GULP1: variants seen among roughly 807,000 people sequenced by gnomAD.
GULP1 encodes the protein GULP PTB domain containing engulfment adaptor 1, also known as PTB domain-containing engulfment adapter protein 1.
Under a neutral mutation model 40.9 loss-of-function variants are expected in GULP1, and 19 were observed. The observed-to-expected ratio is 0.46, with a 90% CI of 0.32 to 0.68. GULP1 has a LOEUF of 0.68. Among genes scored for constraint, GULP1 ranks in the 30% least tolerant of loss-of-function variants. The probability of loss-of-function intolerance (pLI) is 0.03; values close to 1 mark genes in which losing one functional copy is unlikely to be tolerated. For synonymous variants in GULP1, 119 were observed against 117.6 expected (o/e 1.01, Z -0.08); for missense variants, 312 against 362.2 (o/e 0.86, Z 1.12).
chr2:188,479,191 A>G (rs190350588), intron 3 of GULP1, among the ~76,000 whole-genome samples: 3 of 152,212 alleles, frequency 2.0e-5, no homozygotes, highest in Admixed American at 1.3e-4. Context: ...GTGTTCAAAC[A>G]TTTGGATGTG....
At chr2:188,363,639 A>G (rs1280567114) in intron 1 of GULP1, among the ~76,000 whole-genome samples, 1 of 152,148 alleles carries the variant, frequency 6.6e-6, no homozygotes, top group East Asian at 1.9e-4. Context: ...ATGAAGACGA[A>G]GGTATACATT....
At chr2:188,406,286 T>A (rs2053086443) in intron 2 of GULP1, among the ~76,000 whole-genome samples, 1 of 152,178 alleles carries the variant, frequency 6.6e-6, no homozygotes, top group South Asian at 2.1e-4. Flanking sequence ...AACACAATGG[T>A]AAGTATTTGT....
chr2:188,339,677 A>G (rs2152129213), intron 1 of GULP1, among the ~76,000 whole-genome samples: 1 of 152,316 alleles, frequency 6.6e-6, no homozygotes, highest in South Asian at 2.1e-4. Context: ...AAGGTTTCAA[A>G]ATAACCATCA....
At chr2:188,344,356 G>A (rs546556756) in intron 1 of GULP1, among the ~76,000 whole-genome samples, 3 of 152,178 alleles carry the variant, frequency 2.0e-5, no homozygotes, top group African/African-American at 7.2e-5. Flanking sequence ...TTGACACTTC[G>A]ATGGAGAGAA....
At chr2:188,529,318 G>A (rs1005900683) in intron 6 of GULP1, 123 bp downstream of exon 6, 4 of 519,578 alleles carry the variant, frequency 7.7e-6, no homozygotes, top group Non-Finnish European at 1.0e-5. Flanking sequence ...ATGACAGTTC[G>A]AAACTCTAGG....
chr2:188,319,754 A>G (rs993378621), intron 1 of GULP1, among the ~76,000 whole-genome samples: 4 of 152,100 alleles, frequency 2.6e-5, no homozygotes, highest in Admixed American at 1.3e-4. Flanking sequence ...TGCATTTCTC[A>G]TATTAGCCAT....
intron 11 of GULP1, 115 bp downstream of exon 11, chr2:188,588,064 C>G (rs559435863): frequency 2.8e-6 from 2 of 719,706 alleles, no homozygotes; most frequent in Non-Finnish European, 5.1e-6. Flanking sequence ...TATAAAAACT[C>G]GCTTAAAATA....
chr2:188,463,140 T>G (rs1050396155), intron 2 of GULP1, among the ~76,000 whole-genome samples: 16 of 152,222 alleles, frequency 1.1e-4, no homozygotes, highest in Non-Finnish European at 2.1e-4. Flanking sequence ...TTCTTATTGC[T>G]CATTAACATA....
chr2:188,432,993 T>A (rs959846188), intron 2 of GULP1, among the ~76,000 whole-genome samples: 45 of 152,128 alleles, frequency 3.0e-4, no homozygotes, highest in Non-Finnish European at 8.8e-5. Flanking sequence ...TGTAAAAGAT[T>A]GGGTCCAAAG....
intron 2 of GULP1, among the ~76,000 whole-genome samples, chr2:188,457,685 T>C (rs998307707): frequency 6.6e-6 from 1 of 152,162 alleles, no homozygotes; most frequent in African/African-American, 2.4e-5. Context: ...CAAAGGTAAA[T>C]TTTGTTTCAA....
intron 4 of GULP1, among the ~76,000 whole-genome samples, chr2:188,490,906 T>C (rs971237011): frequency 3.9e-5 from 6 of 151,982 alleles, no homozygotes; most frequent in Non-Finnish European, 8.8e-5. Flanking sequence ...TGGGCTCAGG[T>C]GATCCTCATA....
At chr2:188,293,374 C>G (rs2034215751) in intron 1 of GULP1, among the ~76,000 whole-genome samples, 1 of 152,182 alleles carries the variant, frequency 6.6e-6, no homozygotes, top group African/African-American at 2.4e-5. Context: ...ATACGTTACA[C>G]CAACATTTGA....
intron 1 of GULP1, among the ~76,000 whole-genome samples, chr2:188,332,920 C>T (rs1321855599): frequency 6.6e-6 from 1 of 152,062 alleles, no homozygotes. Flanking sequence ...GGATAAGTAG[C>T]TTCGTCAGCT....
At chr2:188,542,463 C>T (rs1195859797) in intron 7 of GULP1, among the ~76,000 whole-genome samples, 1 of 152,064 alleles carries the variant, frequency 6.6e-6, no homozygotes, top group African/African-American at 2.4e-5. Context: ...CTCAATGAAA[C>T]ATTCCTTAAG....
chr2:188,525,111 T>C (rs1050153156), intron 5 of GULP1, among the ~76,000 whole-genome samples: 2 of 151,986 alleles, frequency 1.3e-5, no homozygotes, highest in African/African-American at 4.8e-5. Context: ...ATTTACAGTT[T>C]ATAAATTTTT....
At chr2:188,379,803 ATCCT>A (rs1272869011) in intron 1 of GULP1, among the ~76,000 whole-genome samples, 2 of 152,148 alleles carry the variant, frequency 1.3e-5, no homozygotes, top group Non-Finnish European at 2.9e-5. Flanking sequence ...CTAATAGCCT[ATCCT>A]TGAAGATGGC....
At chr2:188,513,776 A>T (rs1490616269) in intron 4 of GULP1, among the ~76,000 whole-genome samples, 1 of 152,190 alleles carries the variant, frequency 6.6e-6, no homozygotes, top group Non-Finnish European at 1.5e-5. Context: ...TCTTAAAAAA[A>T]AATTCACCGT....
chr2:188,411,102 A>G (rs763983979), intron 2 of GULP1, among the ~76,000 whole-genome samples: 17 of 151,912 alleles, frequency 1.1e-4, no homozygotes, highest in Non-Finnish European at 1.9e-4. Context: ...TAGTGAATAA[A>G]TGTGAGCTTC....
intron 9 of GULP1, among the ~76,000 whole-genome samples, chr2:188,581,060 A>T (rs1701219461): frequency 6.6e-6 from 1 of 152,072 alleles, no homozygotes; most frequent in South Asian, 2.1e-4. Flanking sequence ...GGAGGAATTG[A>T]ATCTAGTACT....
Sources: allele counts gnomAD v4.1 joint callset (sites outside exome capture counted in the v4.1 genomes callset), GRCh38; gene constraint gnomAD v4.1.1; transcripts MANE v1.5; gene names NCBI Gene and HGNC (gene_info 2026-07-23, HGNC 2026-07-21).